The following SNX29 variants were observed in gnomAD, a reference collection of about 807,000 sequenced individuals.
The protein encoded by SNX29 is sorting nexin-29.
A neutral mutation model predicts 102.1 loss-of-function variants in SNX29; 78 were observed. The observed-to-expected ratio is 0.76, with a 90% CI of 0.64 to 0.92. SNX29 has a LOEUF of 0.92. SNX29 is among the 40% of genes least tolerant of loss of function. The pLI is 0.00. For missense variants in SNX29, 1,280 were observed against 1,061.7 expected, an observed-to-expected ratio of 1.21 and a Z score of -2.86; for synonymous variants, 580 against 414.5, an observed-to-expected ratio of 1.40 and a Z score of -4.85.
At chr16:12,211,481 A>C (rs2077181638) in intron 14 of SNX29, among the ~76,000 whole-genome samples, 2 of 152,142 alleles carry the variant, frequency 1.3e-5, no homozygotes, top group South Asian at 4.1e-4. Context: ...AGATGTGAGA[A>C]ACCAAGGCTC....
At chr16:12,203,108 C>T (rs202166671) in intron 14 of SNX29, among the ~76,000 whole-genome samples, 14 of 150,608 alleles carry the variant, frequency 9.3e-5, no homozygotes, top group Non-Finnish European at 1.8e-4. Context: ...GCCCCATTCT[C>T]AGGTGGACTG....
chr16:12,024,834 G>T (rs1366495370), intron 3 of SNX29, among the ~76,000 whole-genome samples: 1 of 152,154 alleles, frequency 6.6e-6, no homozygotes, highest in East Asian at 1.9e-4. Flanking sequence ...AGAGGCTTTG[G>T]TTAATTACAG....
chr16:12,227,899 TAAAAAAAAAAA>T (rs59381762), intron 14 of SNX29, among the ~76,000 whole-genome samples: 2 of 71,556 alleles, frequency 2.8e-5, no homozygotes, highest in African/African-American at 6.2e-5. Context: ...GACTCTGTCT[TAAAAAAAAAAA>T]AAAAAAAAAA....
intron 15 of SNX29, among the ~76,000 whole-genome samples, chr16:12,330,156 T>C (rs996769612): frequency 2.1e-4 from 32 of 152,184 alleles, no homozygotes; most frequent in African/African-American, 7.7e-4. Flanking sequence ...GGATCAGTGA[T>C]GTGAAACAGT....
intron 16 of SNX29, among the ~76,000 whole-genome samples, chr16:12,363,385 G>A (rs1332005040): frequency 6.6e-6 from 1 of 152,140 alleles, no homozygotes; most frequent in African/African-American, 2.4e-5. Context: ...CTGGATCCCT[G>A]ACCACACTGG....
intron 16 of SNX29, among the ~76,000 whole-genome samples, chr16:12,387,628 C>T (rs887307115): frequency 3.3e-5 from 5 of 152,098 alleles, no homozygotes; most frequent in East Asian, 3.8e-4. Context: ...ATGTCGCAGG[C>T]GTCGTGGTGG....
chr16:12,070,094 G>C (rs1398250044), intron 10 of SNX29, among the ~76,000 whole-genome samples: 1 of 152,282 alleles, frequency 6.6e-6, no homozygotes, highest in Non-Finnish European at 1.5e-5. Context: ...ATGCTGTCTG[G>C]CATGTATTAA....
At chr16:12,446,458 T>A (rs1277240134) in intron 18 of SNX29, among the ~76,000 whole-genome samples, 1 of 152,216 alleles carries the variant, frequency 6.6e-6, no homozygotes, top group Non-Finnish European at 1.5e-5. Flanking sequence ...GTGGGATATT[T>A]AATGTAGTAA....
intron 20 of SNX29, chr16:12,546,387 C>T (rs189304128): frequency 1.4e-5 from 2 of 146,938 alleles, no homozygotes; most frequent in African/African-American, 2.4e-5. Context: ...CCGTGGAAGG[C>T]AAGGAGCAAG....
At chr16:12,558,683 GA>G (rs2141443994) in intron 20 of SNX29, among the ~76,000 whole-genome samples, 1 of 152,302 alleles carries the variant, frequency 6.6e-6, no homozygotes, top group African/African-American at 2.4e-5. Context: ...TTGTGGCTGG[GA>G]TTTGAATCCA....
chr16:12,539,054 G>C (rs1012986100), intron 20 of SNX29, among the ~76,000 whole-genome samples: 7 of 152,204 alleles, frequency 4.6e-5, no homozygotes, highest in African/African-American at 1.7e-4. Flanking sequence ...AGACATCACT[G>C]TGTATTCTGG....
At chr16:12,127,114 C>T (rs1037892183) in intron 12 of SNX29, among the ~76,000 whole-genome samples, 2 of 151,878 alleles carry the variant, frequency 1.3e-5, no homozygotes, top group East Asian at 3.9e-4. Context: ...CAAAAATTAG[C>T]TGGGCGTGGT....
At chr16:12,272,369 A>G (rs1404497978) in intron 14 of SNX29, among the ~76,000 whole-genome samples, 3 of 152,234 alleles carry the variant, frequency 2.0e-5, no homozygotes, top group Non-Finnish European at 4.4e-5. Flanking sequence ...GGGCCTGGGC[A>G]AGATGAAGAG....
rs375278322 is a variant in SNX29 at position 12,564,449 on chromosome 16, CTG to C, written c.2319-4053_2319-4052del. On this transcript the variant is annotated intron_variant, in intron 20 of 20. Coordinates refer to ENST00000566228, the MANE Select transcript of SNX29 (RefSeq NM_032167.5). ...TATCCTCATTTCACAGATCAGAAAG[CTG>C]TGTTTTGGGGAGGTTATGGATCTTT... is the stretch of plus-strand genomic sequence containing the variant. Among the ~76,000 whole-genome samples, 150 of 152,260 alleles carry C rather than the reference CTG, an allele frequency of 9.9e-4. 1 individual carries two copies. Among genetic ancestry groups the C allele is most frequent in the African/African-American group, 3.4e-3 (141 of 41,550 alleles).
intron 20 of SNX29, among the ~76,000 whole-genome samples, chr16:12,525,188 G>T (rs1040680523): frequency 2.6e-5 from 4 of 152,192 alleles, no homozygotes; most frequent in African/African-American, 9.6e-5. Flanking sequence ...AATTGTGTCA[G>T]TGTTTCTCAA....
chr16:12,462,593 T>C (rs3072478), intron 18 of SNX29, among the ~76,000 whole-genome samples: 2 of 150,920 alleles, frequency 1.3e-5, no homozygotes, highest in African/African-American at 4.9e-5. Context: ...GATTTCATTA[T>C]ACACACACAC....
chr16:12,322,474 A>G (rs2080971174), intron 15 of SNX29, among the ~76,000 whole-genome samples: 1 of 152,184 alleles, frequency 6.6e-6, no homozygotes, highest in South Asian at 2.1e-4. Flanking sequence ...TGTTAAAAAG[A>G]ATTGTGGGTT....
intron 20 of SNX29, among the ~76,000 whole-genome samples, chr16:12,551,179 A>G (rs2077953225): frequency 6.6e-6 from 1 of 152,060 alleles, no homozygotes; most frequent in African/African-American, 2.4e-5. Context: ...CATCGTGCAG[A>G]CTTCCCCACA....
At chr16:12,538,203 T>G (rs2077164938) in intron 20 of SNX29, among the ~76,000 whole-genome samples, 1 of 152,094 alleles carries the variant, frequency 6.6e-6, no homozygotes, top group South Asian at 2.1e-4. Flanking sequence ...GCAAGCTCTG[T>G]GTTCTGGGTT....
Sources: gnomAD v4.1 joint callset for allele counts (sites outside exome capture counted in the v4.1 genomes callset) on GRCh38, gnomAD v4.1.1 for gene constraint, MANE v1.5 for transcripts, NCBI Gene and HGNC (gene_info 2026-07-23, HGNC 2026-07-21) for gene names.